The following SEM1 variants were observed in gnomAD, a reference collection of about 807,000 sequenced individuals.
SEM1 encodes 26S proteasome complex subunit SEM1.
SEM1 carries 3 observed loss-of-function variants against 12.7 expected under a neutral mutation model. The ratio of observed to expected loss-of-function variants is 0.24; its 90% CI spans 0.11 to 0.61. The LOEUF is 0.61. SEM1 is among the 20% of genes least tolerant of loss of function. The probability of loss-of-function intolerance (pLI) is 0.88; values close to 1 mark genes in which losing one functional copy is unlikely to be tolerated. For synonymous variants in SEM1, 30 were observed against 27.8 expected (o/e 1.08, Z -0.25); for missense variants, 59 against 81.3 (o/e 0.73, Z 1.06).
rs999458005 is a variant in SEM1 at position 96,576,876 on chromosome 7, C to T, written c.171-70178G>A. Among the ~76,000 whole-genome samples the T allele has an allele frequency of 5.9e-5, 9 of 152,076 alleles. No homozygotes were observed. In the South Asian group the frequency reaches 1.2e-3, roughly 21 times the overall value. On this transcript the variant is annotated intron_variant and NMD_transcript_variant, in intron 2 of 3. Transcript: ENST00000466986. ...CTTATGCCTGTAGTCCCAGCACTTT[C>T]GGAGGCCGAGGCGGGTGGATCACCA...
chr7:96,484,836 CT>C lies in SEM1; in HGVS notation c.245del (p.Lys82ArgfsTer7). 1 of 1,288,138 alleles carries C rather than the reference CT, an allele frequency of 7.8e-7. No individual in the cohort carries two copies. Among genetic ancestry groups the C allele is most frequent in the Non-Finnish European group, 1.0e-6 (1 of 987,198 alleles). 79.8% of individuals were successfully genotyped at this position (1,288,138 alleles called of 1,614,324 possible). The stretch of plus-strand genomic sequence containing the variant: ...CTTTGTTCCATTACCTTGCCCACTT[CT>C]TTTTTCTTGAGGTGGAGCTGTAAAT... On this transcript the variant is annotated frameshift_variant, in exon 3 of 4. Transcript: ENST00000356686. LOFTEE classifies it low-confidence loss of function (END_TRUNC).
intron 2 of SEM1, among the ~76,000 whole-genome samples, chr7:96,485,885 C>T (rs563596636): frequency 1.3e-5 from 2 of 152,180 alleles, no homozygotes; most frequent in East Asian, 3.9e-4. Context: ...CTCTTTTACT[C>T]TGTAAGCCAA....
intron 2 of SEM1, among the ~76,000 whole-genome samples, chr7:96,539,988 T>C (rs114898354): frequency 0.013 from 1,881 of 150,290 alleles, 39 homozygotes; most frequent in African/African-American, 0.043. Context: ...TATAAATAGG[T>C]TATAAATATA....
At chr7:96,705,807 G>A (rs879869072) in intron 1 of SEM1, among the ~76,000 whole-genome samples, 17 of 150,004 alleles carry the variant, frequency 1.1e-4, no homozygotes, top group Admixed American at 4.6e-4. Context: ...GTGACAGAGC[G>A]AGACTCTGTC....
At chr7:96,694,146 A>G (rs1342306658) in intron 2 of SEM1, among the ~76,000 whole-genome samples, 2 of 151,932 alleles carry the variant, frequency 1.3e-5, no homozygotes. Flanking sequence ...AAACAGGCAA[A>G]TACTTAGAGA....
chr7:96,574,690 T>G (rs1806149882), intron 2 of SEM1, among the ~76,000 whole-genome samples: 1 of 152,226 alleles, frequency 6.6e-6, no homozygotes, highest in South Asian at 2.1e-4. Context: ...AATCTTGTCT[T>G]CATGCTTTAT....
chr7:96,632,662 C>G (rs994330940), intron 2 of SEM1, among the ~76,000 whole-genome samples: 14 of 151,932 alleles, frequency 9.2e-5, no homozygotes, highest in African/African-American at 3.1e-4. Context: ...TGTAACGAAC[C>G]TGCACATTCT....
chr7:96,551,387 AATG>A (rs1805265278), intron 2 of SEM1, among the ~76,000 whole-genome samples: 1 of 152,166 alleles, frequency 6.6e-6, no homozygotes, highest in South Asian at 2.1e-4. Context: ...CCCTAAATCA[AATG>A]ATAAGTGTCT....
In SEM1 at chr7:96,709,812, C is replaced by T. The variant is rs1208204864; in HGVS notation, c.-49G>A. The T allele has an allele frequency of 1.9e-6, 3 of 1,574,794 alleles. No homozygotes were observed. Among genetic ancestry groups the T allele is most frequent in the Non-Finnish European group, 2.6e-6 (3 of 1,145,396 alleles). On this transcript the variant is annotated 5_prime_UTR_variant, in exon 1 of 3. Transcript: ENST00000248566. The stretch of plus-strand genomic sequence containing the variant: ...TCCCAGATAAGCAGAAAAGTTGGAA[C>T]CCTCACTCTTCCTCAAGGAAACGCC...
At chr7:96,536,599 G>T (rs1804792092) in intron 2 of SEM1, among the ~76,000 whole-genome samples, 1 of 151,650 alleles carries the variant, frequency 6.6e-6, no homozygotes, top group Non-Finnish European at 1.5e-5. Context: ...ATGTTCTTTT[G>T]TTAGGCACAT....
intron 2 of SEM1, among the ~76,000 whole-genome samples, chr7:96,663,088 A>C (rs932326507): frequency 1.3e-5 from 2 of 152,058 alleles, no homozygotes; most frequent in Non-Finnish European, 2.9e-5. Context: ...TTAGAGATAC[A>C]TAGTGAAGTA....
At chr7:96,528,655 A>G (rs994030875) in intron 2 of SEM1, among the ~76,000 whole-genome samples, 2 of 152,134 alleles carry the variant, frequency 1.3e-5, no homozygotes, top group African/African-American at 4.8e-5. Context: ...TAGGCTTGCT[A>G]CTTTAGGTGT....
chr7:96,624,703 ACT>A (rs1808002417), intron 2 of SEM1, among the ~76,000 whole-genome samples: 1 of 151,740 alleles, frequency 6.6e-6, no homozygotes, highest in Non-Finnish European at 1.5e-5. Flanking sequence ...GCTAGGAAAG[ACT>A]CTCTTAGAAA....
At chr7:96,686,480 A>AATCT (rs1789763209), downstream of SEM1, among the ~76,000 whole-genome samples, 1 of 152,196 alleles carries the variant, frequency 6.6e-6, no homozygotes, top group African/African-American at 2.4e-5. Flanking sequence ...TACTGTCAGT[A>AATCT]ATCTGACACT....
intron 3 of SEM1, among the ~76,000 whole-genome samples, chr7:96,501,431 A>T (rs1226638060): frequency 6.6e-6 from 1 of 150,586 alleles, no homozygotes; most frequent in Non-Finnish European, 1.5e-5. Context: ...TAGTATATAG[A>T]CCTTTCACAC....
In SEM1 at chr7:96,650,682, G is replaced by A. The variant is rs537809962; in HGVS notation, c.171-28039C>T. Among the ~76,000 whole-genome samples, 41 of 151,552 alleles carry A rather than the reference G, an allele frequency of 2.7e-4. No individual in the cohort carries two copies. In the South Asian group the frequency reaches 4.8e-3, roughly 18 times the overall value. On this transcript the variant is annotated intron_variant, in intron 2 of 2. Transcript: ENST00000417009. ...AACACACAGAAACACACACAGATGCGCGCACACACACACACACACTCAGAG... is the reference window on the plus strand; with the variant it reads ...AACACACAGAAACACACACAGATGCACGCACACACACACACACACTCAGAG...
chr7:96,647,622 A>G (rs1413163336), intron 2 of SEM1: 2 of 152,194 alleles, frequency 1.3e-5, no homozygotes, highest in African/African-American at 4.8e-5. Flanking sequence ...TCACTATTTT[A>G]TCTTAAATAA....
chr7:96,658,157 A>G (rs896432149), intron 2 of SEM1, among the ~76,000 whole-genome samples: 4 of 152,108 alleles, frequency 2.6e-5, no homozygotes, highest in African/African-American at 7.2e-5. Context: ...GGGATGTGTG[A>G]TTCAGTGGCC....
upstream of SEM1, chr7:96,496,365 C>T (rs1047165635): frequency 1.3e-5 from 15 of 1,193,392 alleles, no homozygotes; most frequent in African/African-American, 4.6e-5. Context: ...ATTAATTATT[C>T]AAATGTAATA....
Sources: allele counts gnomAD v4.1 joint callset (sites outside exome capture counted in the v4.1 genomes callset), GRCh38; gene constraint gnomAD v4.1.1; transcripts MANE v1.5; gene names NCBI Gene and HGNC (gene_info 2026-07-23, HGNC 2026-07-21).